DOCK9: variants seen among roughly 807,000 people sequenced by gnomAD.
DOCK9 encodes the protein dedicator of cytokinesis 9, also known as dedicator of cytokinesis protein 9.
In DOCK9, 89 loss-of-function variants were observed where a neutral mutation model predicts 263.3. The observed-to-expected ratio is 0.34, with a 90% CI of 0.28 to 0.40. The LOEUF (loss-of-function observed/expected upper bound fraction) is 0.40. Among genes scored for constraint, DOCK9 ranks in the 10% least tolerant of loss-of-function variants. The pLI, the probability that DOCK9 is intolerant of heterozygous loss-of-function variation, is 1.00. For synonymous variants in DOCK9, 976 were observed against 973.1 expected, an observed-to-expected ratio of 1.00 and a Z score of -0.06; for missense variants, 2,140 against 2,603.4, an observed-to-expected ratio of 0.82 and a Z score of 3.87.
At chr13:98,899,504 T>G (rs1243167933) in intron 13 of DOCK9, among the ~76,000 whole-genome samples, 2 of 152,090 alleles carry the variant, frequency 1.3e-5, no homozygotes, top group Non-Finnish European at 2.9e-5. Context: ...TACATCCTAA[T>G]TGGAAGAGAT....
At chr13:98,940,789 C>T (rs959223513) in intron 2 of DOCK9, among the ~76,000 whole-genome samples, 2 of 152,056 alleles carry the variant, frequency 1.3e-5, no homozygotes, top group African/African-American at 4.8e-5. Context: ...GTCAAAGTAC[C>T]CACAGCGATG....
At chr13:98,922,245 G>T in intron 5 of DOCK9, 99 bp from the exon 6 acceptor site, 1 of 801,272 alleles carries the variant, frequency 1.2e-6, no homozygotes, top group Non-Finnish European at 2.0e-6. Context: ...TTTGTGCCAA[G>T]TTGTCCATTG....
chr13:98,958,160 G>A (rs1180293996), intron 1 of DOCK9, among the ~76,000 whole-genome samples: 1 of 152,246 alleles, frequency 6.6e-6, no homozygotes, highest in East Asian at 1.9e-4. Context: ...TCCTACAGCA[G>A]GGCAGCCAGG....
chr13:98,902,212 T>C, intron 12 of DOCK9, 76 bp downstream of exon 12: 1 of 1,505,604 alleles, frequency 6.6e-7, no homozygotes, highest in Non-Finnish European at 9.0e-7. Flanking sequence ...AAGGTCTAAT[T>C]TGAGCATTTT....
intron 9 of DOCK9, among the ~76,000 whole-genome samples, chr13:98,912,379 T>C (rs796388281): frequency 5.3e-5 from 8 of 152,220 alleles, no homozygotes; most frequent in African/African-American, 1.9e-4. Context: ...AGCTCTACAA[T>C]TCATGTTTGA....
At chr13:98,818,835 G>T (rs2092078969) in intron 45 of DOCK9, among the ~76,000 whole-genome samples, 1 of 151,962 alleles carries the variant, frequency 6.6e-6, no homozygotes, top group Non-Finnish European at 1.5e-5. Flanking sequence ...CTAACATTGT[G>T]TGTGTGTGTG....
intron 1 of DOCK9, among the ~76,000 whole-genome samples, chr13:98,984,044 A>T (rs548723305): frequency 6.6e-6 from 1 of 152,264 alleles, no homozygotes; most frequent in East Asian, 1.9e-4. Context: ...TGGTCCACAA[A>T]CCCTCTAAAA....
chr13:98,891,193 C>T (rs1357482501), intron 15 of DOCK9, among the ~76,000 whole-genome samples: 3 of 152,130 alleles, frequency 2.0e-5, no homozygotes, highest in Admixed American at 6.5e-5. Flanking sequence ...GGCACTCCTA[C>T]GATGATAGCT....
intron 1 of DOCK9, among the ~76,000 whole-genome samples, chr13:98,972,038 T>C (rs1373100662): frequency 1.3e-5 from 2 of 152,216 alleles, no homozygotes; most frequent in Non-Finnish European, 2.9e-5. Context: ...TTTTTGTTCA[T>C]GAATCGTGCA....
At chr13:99,062,026 C>A (rs1379105109) in intron 1 of DOCK9, among the ~76,000 whole-genome samples, 1 of 152,086 alleles carries the variant, frequency 6.6e-6, no homozygotes, top group Non-Finnish European at 1.5e-5. Context: ...CACATGCCAC[C>A]ATGCCTGGCT....
chr13:98,831,836 AG>A, intron 39 of DOCK9, 50 bp from the exon 40 acceptor site: 1 of 1,586,894 alleles, frequency 6.3e-7, no homozygotes, highest in Middle Eastern at 1.7e-4. Flanking sequence ...CACCTCTAGT[AG>A]GTTTCACACA....
intron 5 of DOCK9, among the ~76,000 whole-genome samples, chr13:98,922,737 T>A (rs2140109888): frequency 6.6e-6 from 1 of 152,306 alleles, no homozygotes; most frequent in East Asian, 1.9e-4. Context: ...AAACTCACAA[T>A]GGGACACTTA....
intron 1 of DOCK9, among the ~76,000 whole-genome samples, chr13:98,998,669 T>C (rs940352453): frequency 6.6e-6 from 1 of 152,054 alleles, no homozygotes; most frequent in Non-Finnish European, 1.5e-5. Flanking sequence ...AGCAACATTC[T>C]CAAATGGGGC....
chr13:98,823,467 C>T (rs1356023919), intron 45 of DOCK9, among the ~76,000 whole-genome samples: 1 of 152,202 alleles, frequency 6.6e-6, no homozygotes, highest in Non-Finnish European at 1.5e-5. Flanking sequence ...CGCTGTGGCC[C>T]TGGAAATCAG....
intron 15 of DOCK9, among the ~76,000 whole-genome samples, chr13:98,895,531 G>C (rs774277015): frequency 1.3e-5 from 2 of 151,678 alleles, no homozygotes; most frequent in Non-Finnish European, 2.9e-5. Context: ...CAGGCGTAGT[G>C]GTGGGCGCCT....
intron 1 of DOCK9, among the ~76,000 whole-genome samples, chr13:98,959,893 C>A (rs114265491): frequency 3.0e-4 from 45 of 152,274 alleles, no homozygotes; most frequent in Non-Finnish European, 5.9e-4. Context: ...AACTGTGATT[C>A]ACTGGTGACA....
At chr13:98,894,493 T>A (rs761330901) in intron 15 of DOCK9, among the ~76,000 whole-genome samples, 1 of 152,186 alleles carries the variant, frequency 6.6e-6, no homozygotes, top group Non-Finnish European at 1.5e-5. Flanking sequence ...TCAAAAAATA[T>A]AGTAATACAG....
intron 3 of DOCK9, among the ~76,000 whole-genome samples, chr13:98,927,975 A>G (rs1435509473): frequency 6.7e-6 from 1 of 150,088 alleles, no homozygotes; most frequent in East Asian, 1.9e-4. Flanking sequence ...TTATGTTCAT[A>G]TATTTATAAT....
In DOCK9 at chr13:98,837,614, A is replaced by G. The variant is rs1423149234; in HGVS notation, c.4199-5T>C. 6.2e-7 allele frequency: 1 copy of G among 1,604,208 alleles called. No individual in the cohort carries two copies. The highest frequency in any genetic ancestry group is 1.7e-5 in the Admixed American group (1 of 59,836). Reference sequence around the variant, plus strand: ...CTGCGTCCGAGTGGCCATAGCCTGCATGAATTACAACACAAGATTACTGCC... The same window carrying G: ...CTGCGTCCGAGTGGCCATAGCCTGCGTGAATTACAACACAAGATTACTGCC... On this transcript the variant is annotated splice_region_variant and splice_polypyrimidine_tract_variant and intron_variant, in intron 38 of 52. Transcript: ENST00000682017.
Sources: gnomAD v4.1 joint callset for allele counts (sites outside exome capture counted in the v4.1 genomes callset) on GRCh38, gnomAD v4.1.1 for gene constraint, MANE v1.5 for transcripts, NCBI Gene and HGNC (gene_info 2026-07-23, HGNC 2026-07-21) for gene names.